ADK: variants seen among roughly 807,000 people sequenced by gnomAD.
ADK encodes the protein adenosine kinase.
ADK carries 24 observed loss-of-function variants against 44.7 expected under a neutral mutation model. The ratio of observed to expected loss-of-function variants is 0.54; its 90% CI spans 0.39 to 0.76. The LOEUF (loss-of-function observed/expected upper bound fraction) is 0.76, where lower values mean the gene tolerates loss of function less well. Ranked by LOEUF, ADK falls within the 30% of genes least tolerant of loss-of-function variation. The pLI, the probability that ADK is intolerant of heterozygous loss-of-function variation, is 0.00. For synonymous variants in ADK, 128 were observed against 142.6 expected (o/e 0.90, Z 0.73); for missense variants, 321 against 425.1 (o/e 0.76, Z 2.15).
intron 8 of ADK, among the ~76,000 whole-genome samples, chr10:74,597,330 C>T (rs1201195063): frequency 6.6e-6 from 1 of 152,106 alleles, no homozygotes; most frequent in East Asian, 1.9e-4. Flanking sequence ...CCAGTTTACC[C>T]TAATATTAAC....
chr10:74,295,753 T>C (rs1839788761), intron 3 of ADK, among the ~76,000 whole-genome samples: 1 of 85,862 alleles, frequency 1.2e-5, no homozygotes, highest in African/African-American at 3.2e-5. Flanking sequence ...GTAGGAATGT[T>C]CCATTAAAAA....
At chr10:74,345,084 A>G (rs545992798) in intron 4 of ADK, among the ~76,000 whole-genome samples, 1 of 152,338 alleles carries the variant, frequency 6.6e-6, no homozygotes, top group South Asian at 2.1e-4. Flanking sequence ...ATTCAGGGCT[A>G]GGCTTTTCTT....
intron 2 of ADK, among the ~76,000 whole-genome samples, chr10:74,205,680 A>AAAAAAAAAAAAAAAAAAAAAAT (rs1843568655): frequency 6.6e-6 from 1 of 150,784 alleles, no homozygotes; most frequent in Non-Finnish European, 1.5e-5. Flanking sequence ...TGTCTCAAAA[A>AAAAAAAAAAAAAAAAAAAAAAT]AAAAAAAAAA....
In ADK at chr10:74,163,006, C is replaced by T. The variant is rs559821368; in HGVS notation, c.65+11663C>T. Among the ~76,000 whole-genome samples, 24 of 151,858 alleles carry T rather than the reference C, an allele frequency of 1.6e-4. 1 individual carries two copies. The East Asian group carries it at 4.3e-3, about 27-fold the overall frequency. ...TTTTTTGAGATGAGTCTTGCTCTGT[C>T]ACCCAGGCTGGAGTGCAGTGGCATG... On this transcript the variant is annotated intron_variant, in intron 1 of 10. Transcript: ENST00000539909.
chr10:74,660,680 A>C (rs1220517684), intron 9 of ADK, among the ~76,000 whole-genome samples: 2 of 143,986 alleles, frequency 1.4e-5, no homozygotes, highest in African/African-American at 5.2e-5. Flanking sequence ...CAGTGAGCCG[A>C]GATTGCACCA....
intron 4 of ADK, among the ~76,000 whole-genome samples, chr10:74,352,707 G>A (rs569801821): frequency 1.3e-5 from 2 of 152,238 alleles, no homozygotes; most frequent in South Asian, 4.1e-4. Flanking sequence ...GAATCTACAG[G>A]AACTTAAACA....
At chr10:74,366,916 C>A (rs1008760634) in intron 4 of ADK, among the ~76,000 whole-genome samples, 2 of 152,108 alleles carry the variant, frequency 1.3e-5, no homozygotes, top group Non-Finnish European at 1.5e-5. Flanking sequence ...GGTAACAGAG[C>A]GAGACCCTGT....
At chr10:74,540,537 G>A (rs1053445210) in intron 7 of ADK, among the ~76,000 whole-genome samples, 5 of 151,730 alleles carry the variant, frequency 3.3e-5, no homozygotes, top group African/African-American at 1.2e-4. Context: ...TCGGCTCACT[G>A]CAAACTCCAC....
intron 9 of ADK, 47 bp from the exon 10 acceptor site, chr10:74,670,136 G>A (rs781447914): frequency 9.3e-6 from 13 of 1,404,600 alleles, no homozygotes; most frequent in Non-Finnish European, 1.3e-5. Flanking sequence ...CTTGTATTGA[G>A]TGTTACAAAG....
chr10:74,555,588 G>C (rs536685887), intron 7 of ADK, among the ~76,000 whole-genome samples: 1 of 148,302 alleles, frequency 6.7e-6, no homozygotes, highest in Non-Finnish European at 1.5e-5. Flanking sequence ...TCTAGCCTGG[G>C]ATACAGAGCA....
chr10:74,242,822 C>G (rs944151692), intron 3 of ADK, among the ~76,000 whole-genome samples: 1 of 152,176 alleles, frequency 6.6e-6, no homozygotes, highest in South Asian at 2.1e-4. Flanking sequence ...GCCAGACTTT[C>G]GGGAAAAGAG....
intron 6 of ADK, among the ~76,000 whole-genome samples, chr10:74,482,150 A>C (rs1847096936): frequency 1.3e-5 from 2 of 152,196 alleles, no homozygotes; most frequent in African/African-American, 4.8e-5. Context: ...GGTAATTTAT[A>C]AAGAAAAGAA....
In ADK at chr10:74,346,977, G is replaced by A. The variant is rs546563373; in HGVS notation, c.273+32232G>A. Among the ~76,000 whole-genome samples the A allele has an allele frequency of 7.3e-5, 11 of 151,636 alleles. No homozygotes were observed. In the East Asian group the frequency reaches 2.1e-3, roughly 30 times the overall value. ...TACAAAAAATTAGCCGGGCATGGTG[G>A]GCACCTGTAGTCCCAGCTACTCAGG... On this transcript the variant is annotated intron_variant, in intron 4 of 10. Transcript: ENST00000539909.
At chr10:74,285,083 A>AC (rs560688038) in intron 3 of ADK, among the ~76,000 whole-genome samples, 19 of 152,082 alleles carry the variant, frequency 1.2e-4, no homozygotes, top group Non-Finnish European at 2.2e-4. Context: ...ATTATTAGCC[A>AC]CTGTACAGAT....
At chr10:74,315,884 G>C (rs1468340854) in intron 4 of ADK, among the ~76,000 whole-genome samples, 1 of 152,080 alleles carries the variant, frequency 6.6e-6, no homozygotes, top group Non-Finnish European at 1.5e-5. Flanking sequence ...CAATTGATTT[G>C]TATTGTTTTT....
In ADK at chr10:74,343,638, C is replaced by T. The variant is rs138530860; in HGVS notation, c.273+28893C>T. Among the ~76,000 whole-genome samples, 94 of 152,202 alleles carry T rather than the reference C, an allele frequency of 6.2e-4. 1 individual carries two copies. The South Asian group carries it at 8.5e-3, about 14-fold the overall frequency. ...TTGTTTGTTTTTTGAGACGGAGTTT[C>T]GCTCTTGTTGCCCAGGTTAGCGTGC... is the stretch of plus-strand genomic sequence containing the variant. On this transcript the variant is annotated intron_variant, in intron 4 of 10. Coordinates refer to ENST00000539909, the MANE Select transcript of ADK (RefSeq NM_006721.4).
chr10:74,279,564 G>A (rs534617105), intron 3 of ADK, among the ~76,000 whole-genome samples: 10 of 149,824 alleles, frequency 6.7e-5, no homozygotes, highest in Admixed American at 2.6e-4. Flanking sequence ...GGGTGACAGA[G>A]TGAGACTTCA....
At chr10:74,259,366 A>G (rs910141531) in intron 3 of ADK, among the ~76,000 whole-genome samples, 1 of 151,472 alleles carries the variant, frequency 6.6e-6, no homozygotes, top group Admixed American at 6.6e-5. Context: ...TAGCAAAATG[A>G]TCTTTGTTTT....
At chr10:74,302,105 GTTTGTTTTTTTTTTTTT>G (rs1840066774) in intron 3 of ADK, among the ~76,000 whole-genome samples, 5 of 88,932 alleles carry the variant, frequency 5.6e-5, no homozygotes, top group South Asian at 4.0e-4. Flanking sequence ...TTTTTTGTTT[GTTTGTTTTTTTTTTTTT>G]TTTTTTTTTT....
Sources: allele counts gnomAD v4.1 joint callset (sites outside exome capture counted in the v4.1 genomes callset), GRCh38; gene constraint gnomAD v4.1.1; transcripts MANE v1.5; gene names NCBI Gene and HGNC (gene_info 2026-07-23, HGNC 2026-07-21).